The following EYS variants were observed in gnomAD, a reference collection of about 807,000 sequenced individuals.
EYS encodes protein eyes shut homolog.
A neutral mutation model predicts 282.1 loss-of-function variants in EYS; 250 were observed. The observed-to-expected ratio is 0.89, with a 90% CI of 0.80 to 0.98. The LOEUF is 0.98. Ranked by LOEUF, EYS falls within the 50% of genes least tolerant of loss-of-function variation. EYS has a pLI of 0.00. For synonymous variants in EYS, 1,355 were observed against 1,282.9 expected (o/e 1.06, Z -1.20); for missense variants, 4,016 against 3,709.0 (o/e 1.08, Z -2.15).
chr6:63,955,428 C>T (rs1582026729), intron 35 of EYS, among the ~76,000 whole-genome samples: 1 of 152,260 alleles, frequency 6.6e-6, no homozygotes, highest in Middle Eastern at 3.4e-3. Flanking sequence ...AATACTTTCA[C>T]CCTGATGAAG....
intron 22 of EYS, among the ~76,000 whole-genome samples, chr6:64,635,831 G>C (rs963804781): frequency 4.6e-5 from 7 of 152,162 alleles, no homozygotes; most frequent in Non-Finnish European, 1.0e-4. Flanking sequence ...GATGATGCTG[G>C]CTTCATAAAA....
At chr6:64,491,466 G>A (rs1187010659) in intron 26 of EYS, among the ~76,000 whole-genome samples, 1 of 150,700 alleles carries the variant, frequency 6.6e-6, no homozygotes, top group East Asian at 1.9e-4. Context: ...TATTTTTACT[G>A]AACCCAGAGA....
intron 22 of EYS, among the ~76,000 whole-genome samples, chr6:64,704,416 C>G (rs2149927428): frequency 7.1e-6 from 1 of 139,900 alleles, no homozygotes; most frequent in South Asian, 2.2e-4. Flanking sequence ...GAGTGGCAAT[C>G]TAAATTATAT....
At chr6:65,121,143 G>GT (rs1775536567) in intron 12 of EYS, among the ~76,000 whole-genome samples, 1 of 151,884 alleles carries the variant, frequency 6.6e-6, no homozygotes, top group Admixed American at 6.6e-5. Flanking sequence ...ATTCTTTCTG[G>GT]TATCTGCATG....
intron 35 of EYS, among the ~76,000 whole-genome samples, chr6:63,905,714 A>G (rs1773763625): frequency 6.6e-6 from 1 of 152,198 alleles, no homozygotes; most frequent in Admixed American, 6.5e-5. Context: ...ATTGTGTTAA[A>G]TTCTCTAACC....
intron 22 of EYS, among the ~76,000 whole-genome samples, chr6:64,687,556 C>A (rs1442921890): frequency 6.6e-6 from 1 of 152,158 alleles, no homozygotes. Context: ...AGCCTTACAT[C>A]CCAGGGATGA....
At chr6:65,226,824 T>C (rs1454572707) in intron 12 of EYS, among the ~76,000 whole-genome samples, 1 of 152,206 alleles carries the variant, frequency 6.6e-6, no homozygotes, top group Admixed American at 6.5e-5. Flanking sequence ...TTTATACAAA[T>C]TTAGTAGTGC....
At chr6:65,368,917 T>C in intron 8 of EYS, among the ~76,000 whole-genome samples, 1 of 151,618 alleles carries the variant, frequency 6.6e-6, no homozygotes, top group South Asian at 2.1e-4. Flanking sequence ...AGGACATGAA[T>C]GAAATGGATC....
chr6:64,204,257 A>T (rs1004764141), intron 31 of EYS, among the ~76,000 whole-genome samples: 1 of 152,166 alleles, frequency 6.6e-6, no homozygotes, highest in Non-Finnish European at 1.5e-5. Flanking sequence ...CAAATATCTG[A>T]TTTTATTTTA....
intron 36 of EYS, among the ~76,000 whole-genome samples, chr6:63,847,226 T>C (rs1451277495): frequency 6.6e-6 from 1 of 152,230 alleles, no homozygotes; most frequent in Non-Finnish European, 1.5e-5. Flanking sequence ...TATTTTGTTT[T>C]TCAGTTAAAC....
At chr6:64,344,252 C>A (rs1211728802) in intron 29 of EYS, among the ~76,000 whole-genome samples, 1 of 151,518 alleles carries the variant, frequency 6.6e-6, no homozygotes, top group African/African-American at 2.4e-5. Context: ...GAGACACAAC[C>A]AAAAAAGAGG....
intron 12 of EYS, among the ~76,000 whole-genome samples, chr6:65,198,513 C>T (rs193270796): frequency 2.0e-5 from 3 of 151,950 alleles, no homozygotes; most frequent in African/African-American, 4.8e-5. Flanking sequence ...TTTTTTTACA[C>T]CTGCATCACC....
At chr6:64,618,515 T>G (rs943674278) in intron 23 of EYS, among the ~76,000 whole-genome samples, 4 of 152,188 alleles carry the variant, frequency 2.6e-5, no homozygotes, top group African/African-American at 9.6e-5. Context: ...ACCCTGGCTG[T>G]TGGGAAATGT....
intron 29 of EYS, among the ~76,000 whole-genome samples, chr6:64,382,497 G>T (rs909690128): frequency 1.3e-5 from 2 of 152,138 alleles, no homozygotes; most frequent in African/African-American, 2.4e-5. Flanking sequence ...GAAGTCTGAG[G>T]CTGATGTTTG....
chr6:64,796,372 C>T (rs899147983), intron 22 of EYS, among the ~76,000 whole-genome samples: 3 of 152,094 alleles, frequency 2.0e-5, no homozygotes, highest in Non-Finnish European at 4.4e-5. Context: ...TTTTCTACTA[C>T]TACTTCCAGG....
At chr6:65,122,061 A>AGAT (rs1328596073) in intron 12 of EYS, among the ~76,000 whole-genome samples, 1 of 152,158 alleles carries the variant, frequency 6.6e-6, no homozygotes, top group Non-Finnish European at 1.5e-5. Context: ...TATGTCTTTT[A>AGAT]GATAATTTGT....
intron 2 of EYS, among the ~76,000 whole-genome samples, chr6:65,616,791 C>CA (rs1005453003): frequency 0.024 from 2,894 of 120,672 alleles, 80 homozygotes; most frequent in African/African-American, 0.082. Flanking sequence ...TCTAAAAAAA[C>CA]AAAAAAAAAA....
At chr6:64,096,513 A>G (rs1772620433) in intron 31 of EYS, among the ~76,000 whole-genome samples, 1 of 152,066 alleles carries the variant, frequency 6.6e-6, no homozygotes, top group Non-Finnish European at 1.5e-5. Context: ...ATCTTCCATC[A>G]TTGATACCCT....
chr6:65,229,008 A>T (rs1166058989), intron 12 of EYS, among the ~76,000 whole-genome samples: 1 of 152,028 alleles, frequency 6.6e-6, no homozygotes, highest in Non-Finnish European at 1.5e-5. Flanking sequence ...ACAAAAATTA[A>T]GACAAAATGG....
Sources: gnomAD v4.1 joint callset for allele counts (sites outside exome capture counted in the v4.1 genomes callset) on GRCh38, gnomAD v4.1.1 for gene constraint, MANE v1.5 for transcripts, NCBI Gene and HGNC (gene_info 2026-07-23, HGNC 2026-07-21) for gene names.